Variants in EEPD1 observed in about 807,000 individuals in gnomAD.
EEPD1 encodes the protein endonuclease/exonuclease/phosphatase family domain containing 1, also known as endonuclease/exonuclease/phosphatase family domain-containing protein 1.
Under a neutral mutation model 46.3 loss-of-function variants are expected in EEPD1, and 17 were observed. The ratio of observed to expected loss-of-function variants is 0.37; its 90% CI spans 0.25 to 0.55. The LOEUF (loss-of-function observed/expected upper bound fraction) is 0.55, where lower values mean the gene tolerates loss of function less well. Ranked by LOEUF, EEPD1 falls within the 20% of genes least tolerant of loss-of-function variation. The probability of loss-of-function intolerance (pLI) is 0.83; values close to 1 mark genes in which losing one functional copy is unlikely to be tolerated. For missense variants in EEPD1, 673 were observed against 745.6 expected (o/e 0.90, Z 1.13); for synonymous variants, 313 against 315.6 (o/e 0.99, Z 0.09).
intron 3 of EEPD1, among the ~76,000 whole-genome samples, chr7:36,247,556 A>G (rs1286695287): frequency 6.6e-6 from 1 of 152,248 alleles, no homozygotes; most frequent in Non-Finnish European, 1.5e-5. Context: ...CCAGAACTTC[A>G]GAATCAAGGG....
Position 36,281,216 on chromosome 7 carries a change from G to A in EEPD1, c.1032G>A (p.Gln344=), listed in dbSNP as rs781338969. The A allele has an allele frequency of 6.8e-6, 11 of 1,613,918 alleles. No individual in the cohort carries two copies. Among genetic ancestry groups the A allele is most frequent in the Non-Finnish European group, 8.5e-6 (10 of 1,179,938 alleles). The part of the protein sequence containing the change: ...KAVVAEKPSS[Q]LQKGAGYAGF... ...TTGTTGCTGAGAAGCCCTCGAGTCA[G>A]CTCCAGAAGGTACCCTCGTCTGCAA... The change falls in exon 4 of 8, where the codon CAG becomes CAA. Residue 344 remains glutamine, a synonymous_variant. Transcript: ENST00000242108.
chr7:36,180,845 C>A (rs1008031105), intron 2 of EEPD1, among the ~76,000 whole-genome samples: 1 of 152,052 alleles, frequency 6.6e-6, no homozygotes. Context: ...TCTGCAGGCT[C>A]AGGCCCCCCA....
chr7:36,205,181 GAC>G (rs1357236423), intron 2 of EEPD1, among the ~76,000 whole-genome samples: 3 of 152,178 alleles, frequency 2.0e-5, no homozygotes, highest in Non-Finnish European at 4.4e-5. Flanking sequence ...CCAGGATAGA[GAC>G]AACACAAACA....
In EEPD1 at chr7:36,154,694, C is replaced by T. The variant is rs150652838; in HGVS notation, c.370C>T (p.Pro124Ser). The T allele has an allele frequency of 1.6e-5, 26 of 1,613,774 alleles. No homozygotes were observed. The highest frequency in any genetic ancestry group is 2.7e-5 in the African/African-American group (2 of 75,038). The change falls in exon 2 of 8, where the codon CCT becomes TCT. Residue 124 changes from proline to serine, a missense_variant. By Grantham distance (74) the Pro-to-Ser change is moderately conservative. Transcript: ENST00000242108. The surrounding 1 kb of genome is among the most constrained non-coding windows in gnomAD (Gnocchi z 4.2). ...LRRDLLAEQQ[P>S]HHLATAVPLT... ...GCGGGACCTGCTAGCGGAGCAGCAG[C>T]CTCACCACCTGGCCACAGCTGTGCC... is the stretch of plus-strand genomic sequence containing the variant.
chr7:36,160,134 C>T (rs2726050), intron 2 of EEPD1, among the ~76,000 whole-genome samples: 48,391 of 152,080 alleles, frequency 0.32, 8,455 homozygotes, highest in Middle Eastern at 0.43. Context: ...TCCTTTCTTA[C>T]TCACTCATTC....
Position 36,172,995 on chromosome 7 carries a change from A to G in EEPD1, c.878+17793A>G, listed in dbSNP as rs1169330815. 5.9e-5 allele frequency among the ~76,000 whole-genome samples: 9 copies of G among 152,228 alleles called. No individual in the cohort carries two copies. The East Asian group carries it at 1.2e-3, about 20-fold the overall frequency. On this transcript the variant is annotated intron_variant, in intron 2 of 7. Coordinates refer to ENST00000242108, the MANE Select transcript of EEPD1 (RefSeq NM_030636.3). ...TCCAGGTAGATAGTATAGAAACAGAATTGGAGGACACCCAGCTAGTGTCTG... is the reference window on the plus strand; with the variant it reads ...TCCAGGTAGATAGTATAGAAACAGAGTTGGAGGACACCCAGCTAGTGTCTG...
chr7:36,218,490 CCTT>C (rs1316924781), intron 2 of EEPD1, among the ~76,000 whole-genome samples: 4 of 152,194 alleles, frequency 2.6e-5, no homozygotes, highest in East Asian at 1.9e-4. Flanking sequence ...ACAGACTCAC[CCTT>C]CTTCTTGTGC....
chr7:36,182,596 G>A (rs377223313), intron 2 of EEPD1, among the ~76,000 whole-genome samples: 36 of 152,330 alleles, frequency 2.4e-4, no homozygotes, highest in Admixed American at 1.2e-3. Context: ...ACTCGCCAGC[G>A]TTTGCCCCGC....
chr7:36,259,176 A>G (rs1422053855), intron 3 of EEPD1, among the ~76,000 whole-genome samples: 1 of 152,090 alleles, frequency 6.6e-6, no homozygotes, highest in Non-Finnish European at 1.5e-5. Context: ...GGCTGCACCC[A>G]CTGTCTAACC....
intron 2 of EEPD1, among the ~76,000 whole-genome samples, chr7:36,156,765 T>G (rs1466118261): frequency 6.6e-6 from 1 of 152,206 alleles, no homozygotes; most frequent in Non-Finnish European, 1.5e-5. Context: ...TGTTTCTGTG[T>G]TTTAACACAC....
chr7:36,280,119 T>C (rs920987653), intron 3 of EEPD1, among the ~76,000 whole-genome samples: 2 of 152,082 alleles, frequency 1.3e-5, no homozygotes, highest in Non-Finnish European at 2.9e-5. Context: ...GAGGAAGGAA[T>C]AATGTGTTCC....
intron 2 of EEPD1, among the ~76,000 whole-genome samples, chr7:36,162,248 A>G (rs1383195669): frequency 6.6e-6 from 1 of 152,224 alleles, no homozygotes; most frequent in Non-Finnish European, 1.5e-5. Context: ...CAGCAGCCAA[A>G]TTGCTGAACT....
At chr7:36,218,810 T>C (rs1786079317) in intron 2 of EEPD1, among the ~76,000 whole-genome samples, 1 of 152,078 alleles carries the variant, frequency 6.6e-6, no homozygotes, top group Non-Finnish European at 1.5e-5. Flanking sequence ...AATAGGCATG[T>C]TATGGTGGCT....
intron 3 of EEPD1, among the ~76,000 whole-genome samples, chr7:36,262,004 T>A (rs1786932639): frequency 6.6e-6 from 1 of 152,228 alleles, no homozygotes; most frequent in Non-Finnish European, 1.5e-5. Flanking sequence ...TTTTGCTCCA[T>A]CTTTGTAGAA....
rs746316571 is a variant in EEPD1, at chr7:36,281,205, C to G, written c.1021C>G (p.Pro341Ala). 1 of 1,614,150 alleles carries G rather than the reference C, an allele frequency of 6.2e-7. No individual in the cohort carries two copies. The highest frequency in any genetic ancestry group is 8.5e-7 in the Non-Finnish European group (1 of 1,180,010). The change falls in exon 4 of 8, where the codon CCC becomes GCC. Residue 341 changes from proline to alanine, a missense_variant. Pro to Ala is a conservative substitution (Grantham distance 27). Transcript: ENST00000242108. ...GCWKAVVAEK[P>A]SSQLQKGAGY... is the part of the protein sequence containing the mutation. ...CTGGAAGGCTGTTGTTGCTGAGAAGCCCTCGAGTCAGCTCCAGAAGGTACC... is the reference window on the plus strand; with the variant it reads ...CTGGAAGGCTGTTGTTGCTGAGAAGGCCTCGAGTCAGCTCCAGAAGGTACC...
At chr7:36,294,932 C>G (rs902719106) in intron 6 of EEPD1, among the ~76,000 whole-genome samples, 2 of 152,136 alleles carry the variant, frequency 1.3e-5, no homozygotes, top group African/African-American at 4.8e-5. Context: ...AATCCCAGCA[C>G]TTTGGGAAGC....
chr7:36,270,932 G>A (rs377494827), intron 3 of EEPD1, among the ~76,000 whole-genome samples: 11 of 152,032 alleles, frequency 7.2e-5, no homozygotes, highest in East Asian at 1.9e-4. Flanking sequence ...GTGTAAAAGC[G>A]TTCCTATTTC....
chr7:36,243,491 T>C (rs196540), intron 3 of EEPD1, among the ~76,000 whole-genome samples: 18,664 of 152,116 alleles, frequency 0.12, 1,556 homozygotes, highest in Non-Finnish European at 0.18. Flanking sequence ...CAAACCTCTT[T>C]TACTGTCATG....
intron 6 of EEPD1, among the ~76,000 whole-genome samples, chr7:36,293,845 T>A (rs1787484338): frequency 6.6e-6 from 1 of 151,878 alleles, no homozygotes; most frequent in Non-Finnish European, 1.5e-5. Context: ...ACATCTGTAA[T>A]CCCAGCTACT....
Sources: allele counts gnomAD v4.1 joint callset (sites outside exome capture counted in the v4.1 genomes callset), GRCh38; gene constraint gnomAD v4.1.1; non-coding constraint Gnocchi (gnomAD v3.1); transcripts MANE v1.5; gene names NCBI Gene and HGNC (gene_info 2026-07-23, HGNC 2026-07-21).